Variants in CDH4 observed in about 807,000 individuals in gnomAD.
The protein encoded by CDH4 is cadherin 4.
In CDH4, 33 loss-of-function variants were observed where a neutral mutation model predicts 86.0. That is an observed-to-expected ratio of 0.38 (90% confidence interval 0.29 to 0.51). The LOEUF is 0.51. Ranked by LOEUF, CDH4 falls within the 20% of genes least tolerant of loss-of-function variation. The pLI, the probability that CDH4 is intolerant of heterozygous loss-of-function variation, is 0.86. For missense variants in CDH4, 1,114 were observed against 1,307.4 expected (o/e 0.85, Z 2.28); for synonymous variants, 555 against 549.4 (o/e 1.01, Z -0.14).
intron 3 of CDH4, among the ~76,000 whole-genome samples, chr20:61,769,042 G>A (rs867628679): frequency 7.2e-5 from 11 of 152,284 alleles, no homozygotes. Context: ...TGGGAGATGC[G>A]GGGGAGCTGC....
At chr20:61,630,628 G>A (rs1301615211) in intron 2 of CDH4, among the ~76,000 whole-genome samples, 1 of 152,204 alleles carries the variant, frequency 6.6e-6, no homozygotes, top group Non-Finnish European at 1.5e-5. Flanking sequence ...CATTTGGTTG[G>A]AAGTTAGCTT....
intron 2 of CDH4, among the ~76,000 whole-genome samples, chr20:61,531,521 C>A (rs2085953772): frequency 6.7e-6 from 1 of 150,322 alleles, no homozygotes; most frequent in African/African-American, 2.5e-5. Context: ...GATTTACTTC[C>A]ATTTGTTATA....
chr20:61,593,223 C>T (rs2086530858), intron 2 of CDH4, among the ~76,000 whole-genome samples: 1 of 152,256 alleles, frequency 6.6e-6, no homozygotes, highest in South Asian at 2.1e-4. Flanking sequence ...TCATGGGCTA[C>T]ACTTTGTCCG....
intron 2 of CDH4, among the ~76,000 whole-genome samples, chr20:61,319,862 G>A (rs1306863873): frequency 1.3e-5 from 2 of 151,864 alleles, no homozygotes; most frequent in African/African-American, 2.4e-5. Flanking sequence ...GGTTGAGGCG[G>A]GAGAATCACT....
chr20:61,925,159 G>A (rs1156454133), intron 11 of CDH4, among the ~76,000 whole-genome samples: 3 of 152,348 alleles, frequency 2.0e-5, no homozygotes, highest in Admixed American at 1.3e-4. Flanking sequence ...GATGGGCTGG[G>A]CAGAGACGGC....
intron 2 of CDH4, among the ~76,000 whole-genome samples, chr20:61,490,169 G>A (rs991836045): frequency 2.6e-5 from 4 of 152,142 alleles, no homozygotes; most frequent in African/African-American, 9.7e-5. Flanking sequence ...CAAGAGAATG[G>A]TCAAAGCAGC....
At chr20:61,900,704 C>A (rs1309402379) in intron 8 of CDH4, among the ~76,000 whole-genome samples, 1 of 152,292 alleles carries the variant, frequency 6.6e-6, no homozygotes, top group Middle Eastern at 3.4e-3. Flanking sequence ...TCCTTGGACC[C>A]GCCTGTCCAA....
At chr20:61,332,498 C>T (rs1035112046) in intron 2 of CDH4, among the ~76,000 whole-genome samples, 38 of 152,254 alleles carry the variant, frequency 2.5e-4, no homozygotes, top group African/African-American at 5.8e-4. Context: ...TTCTGATCTA[C>T]GGTAGGGGGA....
intron 2 of CDH4, among the ~76,000 whole-genome samples, chr20:61,507,190 A>C (rs2085747064): frequency 6.6e-6 from 1 of 152,230 alleles, no homozygotes. Context: ...ACATCTATAA[A>C]TATATACATC....
intron 2 of CDH4, among the ~76,000 whole-genome samples, chr20:61,557,760 C>T (rs1255331849): frequency 7.1e-6 from 1 of 139,878 alleles, no homozygotes; most frequent in African/African-American, 2.5e-5. Context: ...CGTGAACGTG[C>T]AGCCACCTGC....
chr20:61,419,516 C>G (rs2085165601), intron 2 of CDH4, among the ~76,000 whole-genome samples: 1 of 152,176 alleles, frequency 6.6e-6, no homozygotes, highest in Non-Finnish European at 1.5e-5. Flanking sequence ...TTCCAGTCGG[C>G]TGGTGCACAG....
intron 6 of CDH4, among the ~76,000 whole-genome samples, chr20:61,859,367 A>C (rs1055263993): frequency 2.0e-5 from 3 of 152,152 alleles, no homozygotes; most frequent in Admixed American, 6.5e-5. Flanking sequence ...TCCTCCCCCC[A>C]GGGTCTTTGC....
At chr20:61,455,224 T>C (rs2085401039) in intron 2 of CDH4, among the ~76,000 whole-genome samples, 1 of 152,190 alleles carries the variant, frequency 6.6e-6, no homozygotes, top group Admixed American at 6.5e-5. Flanking sequence ...GAAGATGAGA[T>C]GGAAAGCATA....
At chr20:61,873,026 G>A (rs980000636) in intron 6 of CDH4, among the ~76,000 whole-genome samples, 3 of 152,230 alleles carry the variant, frequency 2.0e-5, no homozygotes, top group African/African-American at 7.2e-5. Flanking sequence ...AGAAAGTGGG[G>A]AATGTGCCAG....
chr20:61,790,745 C>T (rs1055266999), intron 4 of CDH4, among the ~76,000 whole-genome samples: 3 of 151,098 alleles, frequency 2.0e-5, no homozygotes, highest in Non-Finnish European at 2.9e-5. Context: ...TTCATCTCTC[C>T]ATCCATTTAT....
At chr20:61,730,503 G>T (rs2088166154) in intron 2 of CDH4, among the ~76,000 whole-genome samples, 1 of 152,172 alleles carries the variant, frequency 6.6e-6, no homozygotes, top group African/African-American at 2.4e-5. Flanking sequence ...ATCCATTTTT[G>T]AAGCTAAGGG....
At chr20:61,591,443 G>A (rs1417912216) in intron 2 of CDH4, among the ~76,000 whole-genome samples, 2 of 152,080 alleles carry the variant, frequency 1.3e-5, no homozygotes, top group Non-Finnish European at 2.9e-5. Flanking sequence ...AGCTGGCTGG[G>A]TTCTCTGGGG....
intron 2 of CDH4, among the ~76,000 whole-genome samples, chr20:61,466,170 G>T (rs1473284225): frequency 6.6e-6 from 1 of 152,174 alleles, no homozygotes. Flanking sequence ...AAATGGAAAG[G>T]TTTAGTCAGG....
chr20:61,873,673 G>T, intron 6 of CDH4, 55 bp from the exon 7 acceptor site: 1 of 1,574,092 alleles, frequency 6.4e-7, no homozygotes, highest in Admixed American at 1.7e-5. Flanking sequence ...GTGTGTGCGG[G>T]GGTGGCAGCC....
Sources: allele counts gnomAD v4.1 joint callset (sites outside exome capture counted in the v4.1 genomes callset), GRCh38; gene constraint gnomAD v4.1.1; transcripts MANE v1.5; gene names NCBI Gene and HGNC (gene_info 2026-07-23, HGNC 2026-07-21).